The following TSHZ2 variants were observed in gnomAD, a reference collection of about 807,000 sequenced individuals.
TSHZ2 encodes the protein teashirt zinc finger homeobox 2.
A neutral mutation model predicts 74.4 loss-of-function variants in TSHZ2; 21 were observed. The ratio of observed to expected loss-of-function variants is 0.28; its 90% confidence interval spans 0.20 to 0.41. TSHZ2 has a LOEUF of 0.41. Ranked by LOEUF, TSHZ2 falls within the 10% of genes least tolerant of loss-of-function variation. TSHZ2 has a pLI of 1.00. For missense variants in TSHZ2, 1,244 were observed against 1,293.5 expected, an observed-to-expected ratio of 0.96 and a Z score of 0.59; for synonymous variants, 540 against 515.3, an observed-to-expected ratio of 1.05 and a Z score of -0.65.
At chr20:53,253,189 A>G (rs1990366896) in intron 1 of TSHZ2, among the ~76,000 whole-genome samples, 1 of 151,844 alleles carries the variant, frequency 6.6e-6, no homozygotes, top group Non-Finnish European at 1.5e-5. Context: ...AGTCATACAC[A>G]TGAATTTAGC....
intron 1 of TSHZ2, among the ~76,000 whole-genome samples, chr20:53,152,110 C>A (rs906589462): frequency 1.3e-5 from 2 of 152,210 alleles, no homozygotes; most frequent in African/African-American, 4.8e-5. Flanking sequence ...CTAAGATATA[C>A]ATTTTTCACA....
chr20:53,478,946 C>T (rs1000421135), intron 2 of TSHZ2, among the ~76,000 whole-genome samples: 1 of 152,090 alleles, frequency 6.6e-6, no homozygotes, highest in African/African-American at 2.4e-5. Context: ...GGGTGGATCA[C>T]TTCGGATCAG....
intron 1 of TSHZ2, among the ~76,000 whole-genome samples, chr20:53,008,449 G>A (rs1982725081): frequency 6.6e-6 from 1 of 152,102 alleles, no homozygotes; most frequent in Non-Finnish European, 1.5e-5. Flanking sequence ...GGCTTATAAT[G>A]GCTTAAGAGC....
At chr20:53,333,763 C>T (rs1210952099) in intron 2 of TSHZ2, among the ~76,000 whole-genome samples, 3 of 152,180 alleles carry the variant, frequency 2.0e-5, no homozygotes, top group Admixed American at 6.5e-5. Flanking sequence ...GCCTGCCAAG[C>T]GTGGTTTCAA....
chr20:52,993,028 T>C (rs910982570), intron 1 of TSHZ2, among the ~76,000 whole-genome samples: 5 of 152,206 alleles, frequency 3.3e-5, no homozygotes, highest in African/African-American at 1.2e-4. Flanking sequence ...TTCATTTCAT[T>C]ATCTCCAAAT....
At chr20:53,054,019 T>A (rs1479590047) in intron 1 of TSHZ2, among the ~76,000 whole-genome samples, 1 of 152,158 alleles carries the variant, frequency 6.6e-6, no homozygotes, top group Non-Finnish European at 1.5e-5. Context: ...GATTAAAAGA[T>A]CCTTAGGGGT....
At chr20:53,316,772 A>T (rs745659246) in intron 2 of TSHZ2, among the ~76,000 whole-genome samples, 9 of 152,192 alleles carry the variant, frequency 5.9e-5, no homozygotes, top group Non-Finnish European at 1.3e-4. Flanking sequence ...CAGGACCCGT[A>T]TCACCCACAA....
intron 2 of TSHZ2, among the ~76,000 whole-genome samples, chr20:53,330,894 G>T (rs917182340): frequency 1.3e-5 from 2 of 152,170 alleles, no homozygotes; most frequent in African/African-American, 4.8e-5. Context: ...CCCCACAAGA[G>T]CCTGGCTTCA....
chr20:53,094,963 A>G lies in TSHZ2; in HGVS notation c.40+121630A>G, dbSNP rs115878675. The stretch of plus-strand genomic sequence containing the variant: ...GATGCCTTCTTATTTTTGTTTTTCA[A>G]TGAAAATCATTTCAGGTAATGAAAG... On this transcript the variant is annotated intron_variant, in intron 1 of 2. Coordinates refer to ENST00000371497, the MANE Select transcript of TSHZ2 (RefSeq NM_173485.6). 1.8e-3 allele frequency among the ~76,000 whole-genome samples: 270 copies of G among 152,316 alleles called. 3 individuals carry two copies. Among genetic ancestry groups the G allele is most frequent in the African/African-American group, 6.2e-3 (257 of 41,570 alleles).
rs182321194 is a variant in TSHZ2 at position 53,006,832 on chromosome 20, G to T, written c.40+33499G>T. Among the ~76,000 whole-genome samples the T allele has an allele frequency of 4.7e-3, 713 of 152,216 alleles. 6 individuals carry two copies. The highest frequency in any genetic ancestry group is 8.0e-3 in the Non-Finnish European group (544 of 68,004). On this transcript the variant is annotated intron_variant, in intron 1 of 2. Transcript: ENST00000371497. ...TGTCATGTTGGGTGGTGGTGGGGTAGGGTGCTATGGTTTATTTTGTTTGGG... is the reference window on the plus strand; with the variant it reads ...TGTCATGTTGGGTGGTGGTGGGGTATGGTGCTATGGTTTATTTTGTTTGGG...
intron 2 of TSHZ2, among the ~76,000 whole-genome samples, chr20:53,426,940 T>C (rs1373170117): frequency 6.6e-6 from 1 of 152,232 alleles, no homozygotes; most frequent in Non-Finnish European, 1.5e-5. Flanking sequence ...AGTATTTGCA[T>C]TCCTATTTAG....
chr20:53,375,374 C>T (rs1005309124), intron 2 of TSHZ2, among the ~76,000 whole-genome samples: 1 of 152,030 alleles, frequency 6.6e-6, no homozygotes, highest in African/African-American at 2.4e-5. Context: ...CAAATCAAGG[C>T]GACAAACCAG....
chr20:53,230,656 G>C (rs1440605191), intron 1 of TSHZ2, among the ~76,000 whole-genome samples: 1 of 152,210 alleles, frequency 6.6e-6, no homozygotes, highest in Non-Finnish European at 1.5e-5. Context: ...ACTTTGGGAG[G>C]CTGAGGCAGG....
intron 1 of TSHZ2, among the ~76,000 whole-genome samples, chr20:53,105,483 A>C (rs1986335661): frequency 6.6e-6 from 1 of 152,198 alleles, no homozygotes; most frequent in Admixed American, 6.5e-5. Flanking sequence ...CCTGTTGACA[A>C]CAATGACTTT....
chr20:53,002,352 G>A (rs1982472697), intron 1 of TSHZ2, among the ~76,000 whole-genome samples: 1 of 152,112 alleles, frequency 6.6e-6, no homozygotes, highest in South Asian at 2.1e-4. Flanking sequence ...CATACTTTGT[G>A]GAGCGTCCAT....
intron 1 of TSHZ2, among the ~76,000 whole-genome samples, chr20:53,063,673 A>G (rs189601915): frequency 3.0e-3 from 453 of 152,360 alleles, no homozygotes; most frequent in Non-Finnish European, 5.5e-3. Context: ...TTGCATGCAT[A>G]TGCATATGCA....
chr20:53,483,494 G>A (rs1214306861), intron 2 of TSHZ2, among the ~76,000 whole-genome samples: 1 of 152,018 alleles, frequency 6.6e-6, no homozygotes, highest in African/African-American at 2.4e-5. Context: ...GTGGGTGACA[G>A]AACAAAACCC....
At chr20:53,235,334 AT>A (rs1277756077) in intron 1 of TSHZ2, among the ~76,000 whole-genome samples, 2 of 151,116 alleles carry the variant, frequency 1.3e-5, no homozygotes, top group South Asian at 2.1e-4. Context: ...TACCCAGCCA[AT>A]TTTTTTGTAT....
intron 1 of TSHZ2, among the ~76,000 whole-genome samples, chr20:53,227,817 A>G (rs1202595994): frequency 6.6e-6 from 1 of 152,126 alleles, no homozygotes; most frequent in Non-Finnish European, 1.5e-5. Flanking sequence ...CTATATCAGT[A>G]CTGACTTCAA....
Sources: gnomAD v4.1 joint callset for allele counts (sites outside exome capture counted in the v4.1 genomes callset) on GRCh38, gnomAD v4.1.1 for gene constraint, MANE v1.5 for transcripts, NCBI Gene and HGNC (gene_info 2026-07-23, HGNC 2026-07-21) for gene names.